The following SOX5 variants were observed in gnomAD, a reference collection of about 807,000 sequenced individuals.
SOX5 encodes SRY-box transcription factor 5.
In SOX5, 9 loss-of-function variants were observed where a neutral mutation model predicts 92.0. The observed-to-expected ratio is 0.10, with a 90% CI of 0.06 to 0.17. The LOEUF is 0.17. Among genes scored for constraint, SOX5 ranks in the 10% least tolerant of loss-of-function variants. SOX5 has a pLI of 1.00. For missense variants in SOX5, 642 were observed against 944.5 expected, an observed-to-expected ratio of 0.68 and a Z score of 4.20; for synonymous variants, 344 against 336.3, an observed-to-expected ratio of 1.02 and a Z score of -0.25.
At chr12:23,672,133 C>T (rs1481515740) in intron 6 of SOX5, among the ~76,000 whole-genome samples, 1 of 151,988 alleles carries the variant, frequency 6.6e-6, no homozygotes, top group Admixed American at 6.6e-5. Context: ...CAAAGTTATC[C>T]GATGACTACA....
At chr12:23,625,890 A>G (rs1008892383) in intron 8 of SOX5, among the ~76,000 whole-genome samples, 1 of 152,198 alleles carries the variant, frequency 6.6e-6, no homozygotes. Context: ...TACAGGCATG[A>G]GCCACCGCGC....
At chr12:23,886,510 C>A (rs552490607) in intron 2 of SOX5, among the ~76,000 whole-genome samples, 1 of 152,066 alleles carries the variant, frequency 6.6e-6, no homozygotes, top group South Asian at 2.1e-4. Context: ...TTCTAGAAAT[C>A]AGGCACCAAC....
intron 1 of SOX5, among the ~76,000 whole-genome samples, chr12:23,934,986 G>C (rs186732762): frequency 5.9e-5 from 9 of 151,276 alleles, no homozygotes; most frequent in Admixed American, 4.6e-4. Flanking sequence ...CAAGAAATCA[G>C]AAAAAGTAAC....
At chr12:24,513,860 A>G (rs1949540971) in intron 1 of SOX5, among the ~76,000 whole-genome samples, 1 of 152,246 alleles carries the variant, frequency 6.6e-6, no homozygotes, top group Non-Finnish European at 1.5e-5. Flanking sequence ...CCTAATATAA[A>G]TGGCCAATCT....
intron 4 of SOX5, among the ~76,000 whole-genome samples, chr12:24,093,829 G>T (rs370184222): frequency 6.6e-6 from 1 of 151,906 alleles, no homozygotes; most frequent in East Asian, 1.9e-4. Context: ...GGTTGTACCA[G>T]TTTCTACTGC....
intron 2 of SOX5, among the ~76,000 whole-genome samples, chr12:24,298,463 G>A (rs893082112): frequency 6.6e-5 from 10 of 152,078 alleles, no homozygotes; most frequent in Non-Finnish European, 1.3e-4. Flanking sequence ...ATTAAAACGG[G>A]TATGTATTCC....
rs531184694 is a variant in SOX5, at chr12:23,751,065, C to T, written c.568+4573G>A. ...GTTTTTACAAAAAGTGAAAACATTA[C>T]TCATAAGCAACTACAGAGGAACTAT... On this transcript the variant is annotated intron_variant, in intron 4 of 14. Coordinates refer to ENST00000451604, the MANE Select transcript of SOX5 (RefSeq NM_006940.6). 9.2e-4 allele frequency among the ~76,000 whole-genome samples: 140 copies of T among 151,958 alleles called. 2 individuals carry two copies. In the South Asian group the frequency reaches 0.027, roughly 29 times the overall value.
chr12:23,626,854 G>T (rs2077885927), intron 8 of SOX5, among the ~76,000 whole-genome samples: 1 of 152,018 alleles, frequency 6.6e-6, no homozygotes, highest in Admixed American at 6.6e-5. Context: ...TTATGCCAGA[G>T]GTTGCAGTTT....
chr12:24,206,861 C>A (rs1180443868), intron 4 of SOX5, among the ~76,000 whole-genome samples: 1 of 152,204 alleles, frequency 6.6e-6, no homozygotes, highest in East Asian at 1.9e-4. Context: ...TGACTGCTTG[C>A]CAAATAAGCT....
Position 24,288,289 on chromosome 12 carries a change from G to A in SOX5, c.-173-10977C>T, listed in dbSNP as rs374988857. Among the ~76,000 whole-genome samples the A allele has an allele frequency of 1.1e-3, 170 of 152,264 alleles. 1 individual carries two copies. Among genetic ancestry groups the A allele is most frequent in the Middle Eastern group, 6.8e-3 (2 of 294 alleles). On this transcript the variant is annotated intron_variant, in intron 2 of 4. Coordinates refer to the SOX5 transcript ENST00000446891. ...GAATTATCTGATCCAGAATGGAAGTGGTGCTAAGGTTGAGAAACCCTGGAT... is the reference window on the plus strand; with the variant it reads ...GAATTATCTGATCCAGAATGGAAGTAGTGCTAAGGTTGAGAAACCCTGGAT...
At chr12:24,049,035 C>T (rs976805661) in intron 4 of SOX5, among the ~76,000 whole-genome samples, 1 of 152,074 alleles carries the variant, frequency 6.6e-6, no homozygotes, top group Non-Finnish European at 1.5e-5. Flanking sequence ...TAAATGATGT[C>T]CTAATAAAGT....
rs2135780949 is a variant in SOX5 at position 23,529,752 on chromosome 12, A to C, written c.*4467T>G. On this transcript the variant is annotated 3_prime_UTR_variant, in exon 15 of 15. Coordinates refer to ENST00000451604, the MANE Select transcript of SOX5 (RefSeq NM_006940.6). ...ACTATGTGTTATGAACAAAATATAA[A>C]TCTATAACTCTATGTTATATTTACA... 1 of 152,282 alleles carries C rather than the reference A, an allele frequency of 6.6e-6. No homozygotes were observed. Among genetic ancestry groups the C allele is most frequent in the East Asian group, 1.9e-4 (1 of 5,194 alleles). 9.4% of individuals were successfully genotyped at this position (152,282 alleles called of 1,614,324 possible).
chr12:24,005,620 C>T (rs972785260), intron 4 of SOX5, among the ~76,000 whole-genome samples: 47 of 152,090 alleles, frequency 3.1e-4, no homozygotes, highest in African/African-American at 1.1e-3. Context: ...TATTCTGTCT[C>T]GTCCCCTTTA....
chr12:23,781,945 A>G (rs2095288906), intron 3 of SOX5, among the ~76,000 whole-genome samples: 1 of 152,150 alleles, frequency 6.6e-6, no homozygotes, highest in Non-Finnish European at 1.5e-5. Flanking sequence ...TAAGGTTAAA[A>G]GAAATGAATG....
At chr12:24,230,714 C>T (rs577799885) in intron 3 of SOX5, 2 of 152,148 alleles carry the variant, frequency 1.3e-5, no homozygotes, top group East Asian at 1.9e-4. Context: ...AAAACAAAGC[C>T]GACACCGTCC....
chr12:24,060,583 C>A (rs572099212), intron 4 of SOX5, among the ~76,000 whole-genome samples: 3 of 152,276 alleles, frequency 2.0e-5, no homozygotes, highest in South Asian at 4.1e-4. Context: ...AAAGACCCAT[C>A]TTTTCCTACG....
chr12:24,080,275 C>T (rs1184042521), intron 4 of SOX5, among the ~76,000 whole-genome samples: 1 of 151,864 alleles, frequency 6.6e-6, no homozygotes, highest in Non-Finnish European at 1.5e-5. Context: ...CATGTGAACA[C>T]TTTGGAAAAA....
intron 1 of SOX5, among the ~76,000 whole-genome samples, chr12:24,526,253 T>G (rs1950700355): frequency 6.6e-6 from 1 of 151,792 alleles, no homozygotes; most frequent in Non-Finnish European, 1.5e-5. Flanking sequence ...ACTAAAAGAG[T>G]GTTTTTCCTC....
intron 4 of SOX5, among the ~76,000 whole-genome samples, chr12:24,100,539 C>T (rs943349077): frequency 1.3e-5 from 2 of 151,694 alleles, no homozygotes; most frequent in African/African-American, 2.4e-5. Context: ...TCAAATTGTT[C>T]GGGGAACCCT....
Sources: allele counts gnomAD v4.1 joint callset (sites outside exome capture counted in the v4.1 genomes callset), GRCh38; gene constraint gnomAD v4.1.1; transcripts MANE v1.5; gene names NCBI Gene and HGNC (gene_info 2026-07-23, HGNC 2026-07-21).